The following TMEM163 variants were observed in gnomAD, a reference collection of about 807,000 sequenced individuals.
The protein encoded by TMEM163 is transmembrane protein 163.
TMEM163 carries 17 observed loss-of-function variants against 29.3 expected under a neutral mutation model. The ratio of observed to expected loss-of-function variants is 0.58; its 90% CI spans 0.40 to 0.87. The LOEUF (loss-of-function observed/expected upper bound fraction) is 0.87. TMEM163 is among the 40% of genes least tolerant of loss of function. The probability of loss-of-function intolerance (pLI) is 0.00; values close to 1 mark genes in which losing one functional copy is unlikely to be tolerated. For synonymous variants in TMEM163, 157 were observed against 160.6 expected, an observed-to-expected ratio of 0.98 and a Z score of 0.17; for missense variants, 303 against 381.5, an observed-to-expected ratio of 0.79 and a Z score of 1.71.
At chr2:134,695,364 A>G (rs1238623564) in intron 2 of TMEM163, among the ~76,000 whole-genome samples, 1 of 152,068 alleles carries the variant, frequency 6.6e-6, no homozygotes, top group Admixed American at 6.6e-5. Flanking sequence ...GGCGTGAGCC[A>G]CCGTGCCCGG....
intron 5 of TMEM163, among the ~76,000 whole-genome samples, chr2:134,485,310 C>A (rs1679283389): frequency 6.6e-6 from 1 of 152,128 alleles, no homozygotes. Context: ...GAATACTGTA[C>A]TGAATGTGAA....
intron 2 of TMEM163, among the ~76,000 whole-genome samples, chr2:134,674,102 G>T (rs1684052934): frequency 6.6e-6 from 1 of 152,084 alleles, no homozygotes; most frequent in Non-Finnish European, 1.5e-5. Context: ...GTGGCTATTG[G>T]TCTATTCCTC....
intron 2 of TMEM163, among the ~76,000 whole-genome samples, chr2:134,575,607 G>A (rs1681534900): frequency 6.6e-6 from 1 of 152,140 alleles, no homozygotes; most frequent in Non-Finnish European, 1.5e-5. Context: ...GCCACACGGA[G>A]TGAATGCCCA....
At chr2:134,586,118 T>C (rs963508989) in intron 2 of TMEM163, among the ~76,000 whole-genome samples, 3 of 152,244 alleles carry the variant, frequency 2.0e-5, no homozygotes, top group Non-Finnish European at 4.4e-5. Context: ...TATATGACAC[T>C]GAAATTCTTC....
chr2:134,474,017 C>G (rs1457046756), intron 5 of TMEM163, among the ~76,000 whole-genome samples: 1 of 152,168 alleles, frequency 6.6e-6, no homozygotes, highest in Non-Finnish European at 1.5e-5. Context: ...CAATTTATTT[C>G]TGAGGCCAGC....
chr2:134,718,285 C>G (rs1289297731), intron 1 of TMEM163, among the ~76,000 whole-genome samples: 2 of 152,194 alleles, frequency 1.3e-5, no homozygotes, highest in Non-Finnish European at 2.9e-5. Flanking sequence ...CGGCTACACC[C>G]GCAGAGGGAA....
intron 4 of TMEM163, among the ~76,000 whole-genome samples, chr2:134,513,748 T>C (rs902464202): frequency 6.6e-6 from 1 of 152,164 alleles, no homozygotes; most frequent in African/African-American, 2.4e-5. Flanking sequence ...AGGGGAGGAC[T>C]GACAGTCACT....
intron 2 of TMEM163, among the ~76,000 whole-genome samples, chr2:134,600,759 A>C (rs1308706065): frequency 6.6e-6 from 1 of 152,220 alleles, no homozygotes; most frequent in East Asian, 1.9e-4. Flanking sequence ...AGGCCAGCAC[A>C]TGGCAAAAGC....
At chr2:134,488,571 G>C (rs948584745) in intron 5 of TMEM163, among the ~76,000 whole-genome samples, 1 of 152,182 alleles carries the variant, frequency 6.6e-6, no homozygotes, top group African/African-American at 2.4e-5. Flanking sequence ...TTGAGGTTTT[G>C]GGACTCAGAC....
rs1407520228 is a variant in TMEM163, at chr2:134,599,038, G to A, written c.323-46947C>T. ...TTAAAAAAAAAAAAAAAAAAAAAAG[G>A]ACTTCACACCAGCTGTGGACAAGAT... is the stretch of plus-strand genomic sequence containing the variant. On this transcript the variant is annotated intron_variant, in intron 2 of 7. Transcript: ENST00000281924. 5.3e-5 allele frequency among the ~76,000 whole-genome samples: 7 copies of A among 131,360 alleles called. No individual in the cohort carries two copies. In the South Asian group the frequency reaches 1.2e-3, roughly 23 times the overall value. 86.2% of individuals were successfully genotyped at this position (131,360 alleles called of 152,430 possible).
intron 5 of TMEM163, among the ~76,000 whole-genome samples, chr2:134,494,264 G>C (rs1270872733): frequency 6.6e-6 from 1 of 152,184 alleles, no homozygotes. Context: ...ACAGTAAGAT[G>C]GCACTGATAG....
chr2:134,697,392 A>G (rs1262754059), intron 2 of TMEM163, among the ~76,000 whole-genome samples: 2 of 152,186 alleles, frequency 1.3e-5, no homozygotes, highest in Non-Finnish European at 2.9e-5. Flanking sequence ...CCTGGTTGCT[A>G]AAAGTTTTTA....
At chr2:134,619,791 C>T (rs1337750467) in intron 2 of TMEM163, among the ~76,000 whole-genome samples, 3 of 152,056 alleles carry the variant, frequency 2.0e-5, no homozygotes, top group Non-Finnish European at 4.4e-5. Context: ...ATATCATGAT[C>T]CTAAGGAATC....
intron 2 of TMEM163, among the ~76,000 whole-genome samples, chr2:134,682,742 A>G (rs999625290): frequency 6.6e-6 from 1 of 152,150 alleles, no homozygotes; most frequent in Admixed American, 6.5e-5. Context: ...GCAGTTTCTC[A>G]CTCTTACCAA....
intron 2 of TMEM163, among the ~76,000 whole-genome samples, chr2:134,639,663 T>C (rs926744009): frequency 2.0e-5 from 3 of 152,204 alleles, no homozygotes; most frequent in African/African-American, 7.2e-5. Flanking sequence ...GCAAACCGTC[T>C]GCTAAATCAG....
At chr2:134,595,353 G>C (rs1682049755) in intron 2 of TMEM163, among the ~76,000 whole-genome samples, 1 of 152,084 alleles carries the variant, frequency 6.6e-6, no homozygotes, top group Non-Finnish European at 1.5e-5. Flanking sequence ...CTATGAGTGA[G>C]AGCATGCAGT....
intron 2 of TMEM163, among the ~76,000 whole-genome samples, chr2:134,635,468 A>G (rs990489280): frequency 3.3e-5 from 5 of 152,202 alleles, no homozygotes; most frequent in African/African-American, 1.2e-4. Context: ...GAGGTATCTC[A>G]GAGTGACAAA....
chr2:134,568,587 G>T (rs1373624400), intron 2 of TMEM163, among the ~76,000 whole-genome samples: 1 of 94,986 alleles, frequency 1.1e-5, no homozygotes, highest in Admixed American at 1.2e-4. Flanking sequence ...AAGAAAAGAA[G>T]GAAAAGAAAA....
At chr2:134,672,915 T>A (rs1053210171) in intron 2 of TMEM163, among the ~76,000 whole-genome samples, 5 of 152,156 alleles carry the variant, frequency 3.3e-5, no homozygotes, top group Non-Finnish European at 7.3e-5. Flanking sequence ...TTTGGCCCAG[T>A]ACTGGGGGGC....
Sources: allele counts gnomAD v4.1 joint callset (sites outside exome capture counted in the v4.1 genomes callset), GRCh38; gene constraint gnomAD v4.1.1; transcripts MANE v1.5; gene names NCBI Gene and HGNC (gene_info 2026-07-23, HGNC 2026-07-21).